The following MACROH2A2 variants were observed in gnomAD, a reference collection of about 807,000 sequenced individuals.
The protein encoded by MACROH2A2 is core histone macro-H2A.2.
A neutral mutation model predicts 37.6 loss-of-function variants in MACROH2A2; 6 were observed. The observed-to-expected ratio is 0.16, with a 90% CI of 0.09 to 0.32. The LOEUF (loss-of-function observed/expected upper bound fraction) is 0.32, where lower values mean the gene tolerates loss of function less well. MACROH2A2 is among the 10% of genes least tolerant of loss of function. MACROH2A2 has a pLI of 1.00. For synonymous variants in MACROH2A2, 192 were observed against 202.7 expected (o/e 0.95, Z 0.45); for missense variants, 290 against 485.9 (o/e 0.60, Z 3.79).
At chr10:70,105,760 A>G (rs1023449464) in intron 7 of MACROH2A2, among the ~76,000 whole-genome samples, 3 of 152,076 alleles carry the variant, frequency 2.0e-5, no homozygotes, top group African/African-American at 7.2e-5. Flanking sequence ...GGGGGTGAAA[A>G]TGAAGCACAT....
intron 1 of MACROH2A2, among the ~76,000 whole-genome samples, chr10:70,069,837 A>G (rs2072099128): frequency 6.6e-6 from 1 of 152,004 alleles, no homozygotes; most frequent in South Asian, 2.1e-4. Flanking sequence ...TTGACTCCTG[A>G]CTTCCCAAGA....
intron 2 of MACROH2A2, among the ~76,000 whole-genome samples, chr10:70,076,412 T>C (rs2072139881): frequency 6.6e-6 from 1 of 150,978 alleles, no homozygotes; most frequent in African/African-American, 2.4e-5. Flanking sequence ...TTCCCATATT[T>C]GTTGTTAAAG....
chr10:70,065,715 A>G (rs1205746313), intron 1 of MACROH2A2, among the ~76,000 whole-genome samples: 1 of 152,186 alleles, frequency 6.6e-6, no homozygotes, highest in East Asian at 1.9e-4. Flanking sequence ...TTAATCCAGG[A>G]GATCCAATAC....
chr10:70,070,094 T>G (rs1339151146), intron 1 of MACROH2A2, among the ~76,000 whole-genome samples: 1 of 152,136 alleles, frequency 6.6e-6, no homozygotes, highest in African/African-American at 2.4e-5. Context: ...GCTCTAATTC[T>G]TACTGTCCGT....
intron 7 of MACROH2A2, among the ~76,000 whole-genome samples, chr10:70,104,452 G>A (rs2072325001): frequency 6.6e-6 from 1 of 151,972 alleles, no homozygotes; most frequent in Non-Finnish European, 1.5e-5. Context: ...AGAGGCGGGT[G>A]GCTCACCTGA....
At chr10:70,066,489 G>A (rs183775995) in intron 1 of MACROH2A2, among the ~76,000 whole-genome samples, 7 of 152,144 alleles carry the variant, frequency 4.6e-5, no homozygotes, top group African/African-American at 1.7e-4. Context: ...CAGGAAGACC[G>A]CTGGCTAAAA....
At chr10:70,058,040 AGAT>A (rs1265195073) in intron 1 of MACROH2A2, among the ~76,000 whole-genome samples, 1 of 152,232 alleles carries the variant, frequency 6.6e-6, no homozygotes, top group African/African-American at 2.4e-5. Context: ...GATGATTCTC[AGAT>A]GATACTCAGC....
chr10:70,085,213 A>G (rs1370064366), intron 2 of MACROH2A2, among the ~76,000 whole-genome samples: 1 of 152,166 alleles, frequency 6.6e-6, no homozygotes, highest in Admixed American at 6.5e-5. Flanking sequence ...AAGGGCGAAG[A>G]GAAACGCAGG....
At chr10:70,108,207 CA>C (rs150902738) in intron 7 of MACROH2A2, among the ~76,000 whole-genome samples, 10,501 of 149,266 alleles carry the variant, frequency 0.07, 548 homozygotes, top group East Asian at 0.24. Context: ...GACTCTGTCT[CA>C]AAAAAAAACT....
chr10:70,075,894 C>G lies in MACROH2A2; in HGVS notation c.172+64C>G. 7.1e-7 allele frequency: 1 copy of G among 1,410,230 alleles called. No individual in the cohort carries two copies. Among genetic ancestry groups the G allele is most frequent in the East Asian group, 2.4e-5 (1 of 41,814 alleles). 87.4% of individuals were successfully genotyped at this position (1,410,230 alleles called of 1,614,324 possible). On this transcript the variant is annotated intron_variant, in intron 2 of 8. Coordinates refer to ENST00000373255, the MANE Select transcript of MACROH2A2 (RefSeq NM_018649.3). The surrounding 1 kb of genome is among the most constrained non-coding windows in gnomAD (Gnocchi z 5.0). ...TCCCCACCCTCCCCTGGGTCCCCCT[C>G]GCAGGCTGGGGAGGGATGCTCCAAA...
intron 7 of MACROH2A2, among the ~76,000 whole-genome samples, chr10:70,106,457 A>AT (rs1376379817): frequency 6.6e-6 from 1 of 152,140 alleles, no homozygotes; most frequent in Admixed American, 6.5e-5. Flanking sequence ...CCTGAAAGTC[A>AT]TTTTTTACTT....
chr10:70,091,644 A>G, intron 3 of MACROH2A2, 113 bp from the exon 4 acceptor site: 1 of 747,914 alleles, frequency 1.3e-6, no homozygotes, highest in Non-Finnish European at 2.1e-6. Context: ...ACTGCACTCC[A>G]GCCTGGGTGA....
Position 70,107,345 on chromosome 10 carries a change from CCAGT to C in MACROH2A2, c.779-1682_779-1679del, listed in dbSNP as rs2072344218. Among the ~76,000 whole-genome samples, 1 of 152,222 alleles carries C rather than the reference CCAGT, an allele frequency of 6.6e-6. No homozygotes were observed. The highest frequency in any genetic ancestry group is 2.4e-5 in the African/African-American group (1 of 41,456). On this transcript the variant is annotated intron_variant, in intron 7 of 8. Coordinates refer to ENST00000373255, the MANE Select transcript of MACROH2A2 (RefSeq NM_018649.3). This position sits in a 1 kb window ranked among gnomAD's most constrained non-coding sequence, Gnocchi z 4.4. ...TAAACTAGGTGGGCATCATAGATTT[CCAGT>C]CAGTCTTTCACCTCAACCCCACACA...
At chr10:70,091,357 G>A (rs28709513) in intron 3 of MACROH2A2, among the ~76,000 whole-genome samples, 3,024 of 152,290 alleles carry the variant, frequency 0.02, 110 homozygotes, top group African/African-American at 0.068. Flanking sequence ...TAGGAAAGCG[G>A]AGGCCACATT....
intron 3 of MACROH2A2, among the ~76,000 whole-genome samples, chr10:70,090,369 T>C (rs982947732): frequency 9.2e-5 from 14 of 152,390 alleles, no homozygotes; most frequent in Middle Eastern, 3.4e-3. Flanking sequence ...GATCTCATTA[T>C]ATATTCTAGG....
At chr10:70,106,691 G>A (rs993522878) in intron 7 of MACROH2A2, among the ~76,000 whole-genome samples, 21 of 151,762 alleles carry the variant, frequency 1.4e-4, no homozygotes, top group African/African-American at 4.6e-4. Flanking sequence ...CCAGCCACTT[G>A]GGAAGCTGAG....
chr10:70,102,117 C>T (rs1316616654), intron 7 of MACROH2A2, among the ~76,000 whole-genome samples: 3 of 152,202 alleles, frequency 2.0e-5, no homozygotes, highest in African/African-American at 7.2e-5. Context: ...CCCACCGCTG[C>T]CCTCAGATGC....
chr10:70,064,447 C>T (rs1266255670), intron 1 of MACROH2A2, among the ~76,000 whole-genome samples: 1 of 152,220 alleles, frequency 6.6e-6, no homozygotes, highest in Non-Finnish European at 1.5e-5. Flanking sequence ...CCTCCCTGCT[C>T]ATTCTGGCAT....
At chr10:70,066,340 A>T (rs527521694) in intron 1 of MACROH2A2, among the ~76,000 whole-genome samples, 1 of 152,186 alleles carries the variant, frequency 6.6e-6, no homozygotes. Context: ...AGAAAGAAAG[A>T]AAACAAAGTT....
Sources: allele counts gnomAD v4.1 joint callset (sites outside exome capture counted in the v4.1 genomes callset), GRCh38; gene constraint gnomAD v4.1.1; non-coding constraint Gnocchi (gnomAD v3.1); transcripts MANE v1.5; gene names NCBI Gene and HGNC (gene_info 2026-07-23, HGNC 2026-07-21).